The following CD200R1L variants were observed in gnomAD, a reference collection of about 807,000 sequenced individuals.
CD200R1L encodes cell surface glycoprotein CD200 receptor 2.
In CD200R1L, 14 loss-of-function variants were observed where a neutral mutation model predicts 24.8. The ratio of observed to expected loss-of-function variants is 0.56; its 90% CI spans 0.37 to 0.88. The LOEUF (loss-of-function observed/expected upper bound fraction) is 0.88, where lower values mean the gene tolerates loss of function less well. Ranked by LOEUF, CD200R1L falls within the 40% of genes least tolerant of loss-of-function variation. CD200R1L has a pLI of 0.00. For missense variants in CD200R1L, 299 were observed against 297.8 expected, an observed-to-expected ratio of 1.00 and a Z score of -0.03; for synonymous variants, 111 against 109.2, an observed-to-expected ratio of 1.02 and a Z score of -0.11.
rs150893246 is a variant in CD200R1L, at chr3:112,831,145, C to T, written c.-17-1761G>A. 2.3e-3 allele frequency among the ~76,000 whole-genome samples: 350 copies of T among 152,216 alleles called. 9 individuals are homozygous for T. In the East Asian group the frequency reaches 0.051, roughly 22 times the overall value. On this transcript the variant is annotated intron_variant, in intron 3 of 7. Coordinates refer to ENST00000488794, the MANE Select transcript of CD200R1L (RefSeq NM_001199215.3). The stretch of plus-strand genomic sequence containing the variant: ...GTTTTTTCCTCTAATGATGGCATAA[C>T]GTTTAATTTCTGTTTTACAATGATT...
chr3:112,816,476 T>C (rs1018294359), intron 7 of CD200R1L, among the ~76,000 whole-genome samples: 1 of 152,176 alleles, frequency 6.6e-6, no homozygotes, highest in East Asian at 1.9e-4. Context: ...GCAAACTGCA[T>C]AGGATGGATA....
chr3:112,840,760 C>T (rs924416768), intron 2 of CD200R1L, among the ~76,000 whole-genome samples: 1 of 152,192 alleles, frequency 6.6e-6, no homozygotes, highest in Non-Finnish European at 1.5e-5. Flanking sequence ...CTCCCCACTT[C>T]TTGCTAGAAT....
intron 7 of CD200R1L, among the ~76,000 whole-genome samples, chr3:112,819,547 A>G (rs11721116): frequency 0.021 from 3,269 of 152,236 alleles, 45 homozygotes; most frequent in Non-Finnish European, 0.033. Flanking sequence ...GACTAAAACC[A>G]CAATGAAGCA....
chr3:112,828,003 CAG>C (rs1172283119), intron 4 of CD200R1L, among the ~76,000 whole-genome samples: 1 of 151,996 alleles, frequency 6.6e-6, no homozygotes, highest in Non-Finnish European at 1.5e-5. Context: ...GAAAAGAAAA[CAG>C]AATTATAATT....
At chr3:112,817,936 G>C (rs1938436561) in intron 7 of CD200R1L, among the ~76,000 whole-genome samples, 2 of 152,186 alleles carry the variant, frequency 1.3e-5, no homozygotes, top group African/African-American at 4.8e-5. Context: ...TTTTTACATG[G>C]TGGCAGCAAG....
intron 2 of CD200R1L, among the ~76,000 whole-genome samples, chr3:112,842,834 G>A (rs905955149): frequency 1.1e-4 from 17 of 152,112 alleles, no homozygotes; most frequent in Non-Finnish European, 2.1e-4. Context: ...TGGTCAGACC[G>A]GTTCTCTGCT....
intron 7 of CD200R1L, among the ~76,000 whole-genome samples, chr3:112,816,921 C>T (rs577389040): frequency 1.3e-5 from 2 of 152,234 alleles, no homozygotes; most frequent in East Asian, 3.9e-4. Context: ...CCATGTAAGA[C>T]GTAGCTTTAC....
chr3:112,841,806 CAG>C (rs1271345088), intron 2 of CD200R1L, among the ~76,000 whole-genome samples: 1 of 152,190 alleles, frequency 6.6e-6, no homozygotes, highest in Non-Finnish European at 1.5e-5. Context: ...CCTGAGGTGT[CAG>C]AGGATAAAAC....
At chr3:112,823,932 A>C (rs990651677) in intron 6 of CD200R1L, among the ~76,000 whole-genome samples, 6 of 37,682 alleles carry the variant, frequency 1.6e-4, no homozygotes, top group Non-Finnish European at 3.9e-4. Flanking sequence ...GCAGGTTGTG[A>C]TTTGTCAAAG....
chr3:112,837,259 T>C (rs1938970864), intron 3 of CD200R1L, among the ~76,000 whole-genome samples: 1 of 152,224 alleles, frequency 6.6e-6, no homozygotes, highest in Admixed American at 6.5e-5. Flanking sequence ...TTAAATTTAC[T>C]TCCCATTTAG....
intron 2 of CD200R1L, chr3:112,841,190 C>T: frequency 2.6e-6 from 1 of 381,164 alleles, no homozygotes; most frequent in Admixed American, 2.7e-5. Context: ...CTAGTGCTGT[C>T]TCATGATAGA....
At position 112,845,675 on chromosome 3, in the gene CD200R1L, T is replaced by C. The variant is rs779448133; in HGVS notation, c.-87+4A>G. On this transcript the variant is annotated splice_donor_region_variant and intron_variant, in intron 2 of 7. Transcript: ENST00000488794. ...AGCTGAAAATGTCACAGTATCAGAC[T>C]TACCAGACACCATGATAATGATGGA... The C allele has an allele frequency of 6.2e-7, 1 of 1,611,166 alleles. No individual in the cohort carries two copies. The highest frequency in any genetic ancestry group is 1.1e-5 in the South Asian group (1 of 90,978).
intron 6 of CD200R1L, among the ~76,000 whole-genome samples, chr3:112,825,631 A>G (rs1270742961): frequency 6.6e-6 from 1 of 152,022 alleles, no homozygotes; most frequent in Non-Finnish European, 1.5e-5. Flanking sequence ...TTTTAAAAAA[A>G]TTCTTGGATA....
chr3:112,826,898 CA>C (rs1451007502), intron 6 of CD200R1L, 94 bp downstream of exon 6: 3 of 1,425,958 alleles, frequency 2.1e-6, no homozygotes, highest in East Asian at 4.7e-5. Flanking sequence ...GCTAGGAGCT[CA>C]AATTTTCTTA....
At chr3:112,838,231 T>A (rs184333446) in intron 2 of CD200R1L, among the ~76,000 whole-genome samples, 23 of 146,496 alleles carry the variant, frequency 1.6e-4, no homozygotes, top group Non-Finnish European at 2.6e-4. Context: ...ACATTTCTTT[T>A]GTAGTTATGA....
chr3:112,841,360 C>A (rs1164726513), intron 2 of CD200R1L: 1 of 402,992 alleles, frequency 2.5e-6, no homozygotes, highest in Admixed American at 2.8e-5. Flanking sequence ...GAACAGTGAG[C>A]CAATTAAACC....
At position 112,827,145 on chromosome 3, in the gene CD200R1L, T is replaced by C; in HGVS notation, c.464A>G (p.Glu155Gly). 1.9e-6 allele frequency: 3 copies of C among 1,613,610 alleles called. No individual in the cohort carries two copies. Among genetic ancestry groups the C allele is most frequent in the Non-Finnish European group, 1.7e-6 (2 of 1,180,024 alleles). Residue 155 changes from glutamate to glycine, a missense_variant, in exon 6 of 8, where the codon GAG becomes GGG. Transcript: ENST00000488794. ...TTGCTTAGTGGCAAGAATAGATCCC[T>C]CTGGGATCCAGGAGATCTGGGCAGC... is the stretch of plus-strand genomic sequence containing the variant. ...KPAAQISWIP[E>G]GSILATKQEY...
chr3:112,818,715 T>C (rs1938455778), intron 7 of CD200R1L: 3 of 154,422 alleles, frequency 1.9e-5, no homozygotes, highest in Non-Finnish European at 1.5e-5. Context: ...TATTTGCCTT[T>C]TGCTGAGCTA....
At chr3:112,825,100 G>A (rs1482871681) in intron 6 of CD200R1L, among the ~76,000 whole-genome samples, 14 of 152,090 alleles carry the variant, frequency 9.2e-5, no homozygotes, top group Non-Finnish European at 1.5e-4. Flanking sequence ...TTAGCCAGGC[G>A]TGGTGGTGGG....
Sources: gnomAD v4.1 joint callset for allele counts (sites outside exome capture counted in the v4.1 genomes callset) on GRCh38, gnomAD v4.1.1 for gene constraint, MANE v1.5 for transcripts, NCBI Gene and HGNC (gene_info 2026-07-23, HGNC 2026-07-21) for gene names.